Variants in POLN observed in about 807,000 individuals in gnomAD.
POLN encodes DNA polymerase nu, also known as DNA polymerase N.
POLN carries 108 observed loss-of-function variants against 113.5 expected under a neutral mutation model. The ratio of observed to expected loss-of-function variants is 0.95; its 90% CI spans 0.81 to 1.12. POLN has a LOEUF of 1.12. POLN is among the 50% of genes most tolerant of loss of function. The pLI is 0.00. For missense variants in POLN, 1,097 were observed against 1,077.1 expected, an observed-to-expected ratio of 1.02 and a Z score of -0.26; for synonymous variants, 386 against 391.5, an observed-to-expected ratio of 0.99 and a Z score of 0.17.
At chr4:2,114,194 C>T (rs1411796214) in intron 19 of POLN, among the ~76,000 whole-genome samples, 1 of 151,976 alleles carries the variant, frequency 6.6e-6, no homozygotes, top group East Asian at 1.9e-4. Context: ...CCACCGTGCC[C>T]AGCCTGCTAA....
At chr4:2,086,636 A>G (rs1045641800) in intron 20 of POLN, among the ~76,000 whole-genome samples, 2 of 152,182 alleles carry the variant, frequency 1.3e-5, no homozygotes, top group African/African-American at 4.8e-5. Flanking sequence ...TAAATAGAGA[A>G]TGAGGAATCC....
At chr4:2,137,480 T>C (rs1187196520) in intron 16 of POLN, among the ~76,000 whole-genome samples, 1 of 152,248 alleles carries the variant, frequency 6.6e-6, no homozygotes, top group African/African-American at 2.4e-5. Context: ...GCCAGGCTGA[T>C]GCCACTGCAC....
chr4:2,161,285 G>A (rs1037642341), intron 13 of POLN, among the ~76,000 whole-genome samples: 2 of 152,222 alleles, frequency 1.3e-5, no homozygotes, highest in African/African-American at 4.8e-5. Context: ...GGCACGAGCG[G>A]GAACCGGGGC....
chr4:2,207,060 A>G (rs1447722781), intron 5 of POLN, among the ~76,000 whole-genome samples: 2 of 152,236 alleles, frequency 1.3e-5, no homozygotes, highest in Non-Finnish European at 2.9e-5. Flanking sequence ...ATGGAATACT[A>G]CTCAGCCATA....
At chr4:2,124,396 A>G (rs1286516991) in intron 19 of POLN, among the ~76,000 whole-genome samples, 1 of 152,136 alleles carries the variant, frequency 6.6e-6, no homozygotes, top group Non-Finnish European at 1.5e-5. Flanking sequence ...CCTCCCAAGC[A>G]GCCAGGACTA....
chr4:2,239,122 T>C, intron 2 of POLN: 1 of 706,602 alleles, frequency 1.4e-6, no homozygotes. Context: ...CACTTTCCAC[T>C]TTAGGTGACC....
At chr4:2,091,800 T>TGTGTGTGC (rs577896956) in intron 20 of POLN, among the ~76,000 whole-genome samples, 25 of 144,956 alleles carry the variant, frequency 1.7e-4, no homozygotes, top group African/African-American at 6.1e-4. Context: ...TGTGTGTGTG[T>TGTGTGTGC]GCGCGCGCTA....
intron 18 of POLN, among the ~76,000 whole-genome samples, chr4:2,128,532 C>T (rs35390416): frequency 8.9e-4 from 136 of 152,150 alleles, no homozygotes; most frequent in Middle Eastern, 3.4e-3. Flanking sequence ...AGTAAAGGCA[C>T]GGAGGTGGCA....
chr4:2,219,463 C>T (rs1051075619), intron 3 of POLN, among the ~76,000 whole-genome samples: 5 of 152,152 alleles, frequency 3.3e-5, no homozygotes, highest in African/African-American at 4.8e-5. Flanking sequence ...AGTCACTTTA[C>T]GAGAACTGTA....
intron 23 of POLN, chr4:2,077,162 G>T (rs988452530): frequency 6.6e-6 from 1 of 152,296 alleles, no homozygotes; most frequent in African/African-American, 2.4e-5. Context: ...TGCCTGCAAG[G>T]TGTGAGGGCT....
intron 8 of POLN, among the ~76,000 whole-genome samples, chr4:2,178,304 G>A (rs547620789): frequency 8.6e-4 from 131 of 152,310 alleles, no homozygotes; most frequent in African/African-American, 2.9e-3. Context: ...AGTACATGGC[G>A]TGGGCTCACA....
At chr4:2,237,894 T>A (rs1280469325) in intron 2 of POLN, among the ~76,000 whole-genome samples, 2 of 152,150 alleles carry the variant, frequency 1.3e-5, no homozygotes, top group Non-Finnish European at 2.9e-5. Context: ...TGCCAATTAG[T>A]CTTATAGATG....
intron 19 of POLN, among the ~76,000 whole-genome samples, chr4:2,108,475 G>A (rs1731120446): frequency 6.6e-6 from 1 of 152,140 alleles, no homozygotes; most frequent in Non-Finnish European, 1.5e-5. Context: ...ATAGAATGCA[G>A]AATAAAAAGA....
intron 10 of POLN, 79 bp from the exon 11 acceptor site, chr4:2,174,098 G>T: frequency 7.4e-7 from 1 of 1,355,832 alleles, no homozygotes; most frequent in East Asian, 2.3e-5. Flanking sequence ...TTCGCTCCCT[G>T]ATGAGGACAA....
intron 3 of POLN, among the ~76,000 whole-genome samples, chr4:2,220,844 C>G (rs1734235759): frequency 6.6e-6 from 1 of 152,156 alleles, no homozygotes; most frequent in Non-Finnish European, 1.5e-5. Context: ...AAAGCCTGAA[C>G]AAAACATTTA....
chr4:2,095,118 C>T (rs762587981), intron 20 of POLN, among the ~76,000 whole-genome samples: 1 of 151,062 alleles, frequency 6.6e-6, no homozygotes, highest in Non-Finnish European at 1.5e-5. Flanking sequence ...GTCAGGGAGT[C>T]CAAGGGAGAG....
chr4:2,090,086 CA>C (rs1365186553), intron 20 of POLN: 16 of 929,868 alleles, frequency 1.7e-5, no homozygotes, highest in Non-Finnish European at 2.7e-5. Context: ...CTAGAAAAAT[CA>C]AAGGGTTTGC....
At chr4:2,174,137 A>G in intron 10 of POLN, 118 bp from the exon 11 acceptor site, 1 of 934,370 alleles carries the variant, frequency 1.1e-6, no homozygotes, top group Non-Finnish European at 1.7e-6. Flanking sequence ...TTTACTCAGC[A>G]CCTGCTGCAT....
intron 5 of POLN, among the ~76,000 whole-genome samples, chr4:2,207,464 T>G (rs986849571): frequency 6.6e-6 from 1 of 152,096 alleles, no homozygotes; most frequent in African/African-American, 2.4e-5. Context: ...TTTAAAAATA[T>G]GACAGAAATT....
Sources: gnomAD v4.1 joint callset for allele counts (sites outside exome capture counted in the v4.1 genomes callset) on GRCh38, gnomAD v4.1.1 for gene constraint, MANE v1.5 for transcripts, NCBI Gene and HGNC (gene_info 2026-07-23, HGNC 2026-07-21) for gene names.